EXOC4: variants seen among roughly 807,000 people sequenced by gnomAD.
EXOC4 encodes SEC8-like 1.
In EXOC4, 71 loss-of-function variants were observed where a neutral mutation model predicts 107.2. The ratio of observed to expected loss-of-function variants is 0.66; its 90% CI spans 0.55 to 0.81. The LOEUF (loss-of-function observed/expected upper bound fraction) is 0.81. Ranked by LOEUF, EXOC4 falls within the 30% of genes least tolerant of loss-of-function variation. EXOC4 has a pLI of 0.00. For synonymous variants in EXOC4, 456 were observed against 441.2 expected, an observed-to-expected ratio of 1.03 and a Z score of -0.42; for missense variants, 1,108 against 1,189.6, an observed-to-expected ratio of 0.93 and a Z score of 1.01.
chr7:133,887,581 C>A (rs935934544), intron 11 of EXOC4, among the ~76,000 whole-genome samples: 15 of 152,110 alleles, frequency 9.9e-5, no homozygotes, highest in African/African-American at 3.6e-4. Context: ...AAGGAGCAAT[C>A]CAATTATCCT....
chr7:133,918,355 A>C (rs527876713), intron 13 of EXOC4, among the ~76,000 whole-genome samples: 1 of 152,334 alleles, frequency 6.6e-6, no homozygotes, highest in East Asian at 1.9e-4. Context: ...TTCACTCAGC[A>C]AAGTTGTTTG....
At chr7:133,294,311 A>G (rs1584786085) in intron 3 of EXOC4, among the ~76,000 whole-genome samples, 1 of 152,164 alleles carries the variant, frequency 6.6e-6, no homozygotes, top group South Asian at 2.1e-4. Flanking sequence ...GCATCAAACT[A>G]AAATTGCACA....
rs116595330 is a variant in EXOC4, at chr7:133,557,354, A to G, written c.1418-72691A>G. 1.3e-3 allele frequency among the ~76,000 whole-genome samples: 202 copies of G among 151,708 alleles called. 1 individual carries two copies. Among genetic ancestry groups the G allele is most frequent in the African/African-American group, 4.8e-3 (199 of 41,182 alleles). On this transcript the variant is annotated intron_variant, in intron 9 of 17. Coordinates refer to ENST00000253861, the MANE Select transcript of EXOC4 (RefSeq NM_021807.4). ...ATATTTCAGTTTTATTTTGTTTTTA[A>G]TTGACATATAATTGACACATAATAA... is the stretch of plus-strand genomic sequence containing the variant.
intron 3 of EXOC4, among the ~76,000 whole-genome samples, chr7:133,299,666 A>C (rs2150560168): frequency 6.6e-6 from 1 of 152,320 alleles, no homozygotes; most frequent in South Asian, 2.1e-4. Flanking sequence ...ATCTGAAGAT[A>C]CTTTAAAGAA....
At chr7:133,468,426 T>A (rs1798786059) in intron 7 of EXOC4, among the ~76,000 whole-genome samples, 1 of 152,248 alleles carries the variant, frequency 6.6e-6, no homozygotes, top group Non-Finnish European at 1.5e-5. Flanking sequence ...TTTTTTCTGT[T>A]ATTAACATTC....
intron 10 of EXOC4, among the ~76,000 whole-genome samples, chr7:133,651,342 T>G (rs372907963): frequency 2.1e-5 from 3 of 142,466 alleles, no homozygotes; most frequent in East Asian, 4.3e-4. Flanking sequence ...CTTCAAAAAA[T>G]TAAAAACCAA....
intron 10 of EXOC4, among the ~76,000 whole-genome samples, chr7:133,652,521 C>T (rs534926861): frequency 6.6e-6 from 1 of 151,944 alleles, no homozygotes; most frequent in African/African-American, 2.4e-5. Context: ...TGGAGTTTCC[C>T]CCTTGCCCAG....
intron 17 of EXOC4, among the ~76,000 whole-genome samples, chr7:134,029,189 C>T (rs1795211787): frequency 6.6e-6 from 1 of 152,232 alleles, no homozygotes; most frequent in Non-Finnish European, 1.5e-5. Flanking sequence ...CATTATGCCT[C>T]CTCCTCACTG....
intron 2 of EXOC4, among the ~76,000 whole-genome samples, chr7:133,286,219 G>A (rs1457254521): frequency 6.6e-6 from 1 of 152,024 alleles, no homozygotes; most frequent in Non-Finnish European, 1.5e-5. Context: ...GTGTTTTCCT[G>A]TTTGGAGATT....
intron 10 of EXOC4, among the ~76,000 whole-genome samples, chr7:133,786,227 C>T (rs1182228405): frequency 2.6e-5 from 4 of 152,160 alleles, no homozygotes; most frequent in Non-Finnish European, 2.9e-5. Context: ...CAGCAGGAGT[C>T]GTCTGCAAAT....
intron 6 of EXOC4, among the ~76,000 whole-genome samples, chr7:133,372,034 T>C (rs1050764758): frequency 2.0e-5 from 3 of 152,238 alleles, no homozygotes; most frequent in Non-Finnish European, 4.4e-5. Flanking sequence ...TATATTTTCT[T>C]TGGAGCAATG....
intron 10 of EXOC4, among the ~76,000 whole-genome samples, chr7:133,725,751 G>A (rs1203772806): frequency 6.6e-6 from 1 of 152,156 alleles, no homozygotes; most frequent in Non-Finnish European, 1.5e-5. Context: ...AACTAGCATG[G>A]TTGTGTTTCA....
intron 7 of EXOC4, among the ~76,000 whole-genome samples, chr7:133,402,646 G>GT (rs1797116540): frequency 6.6e-6 from 1 of 152,090 alleles, no homozygotes; most frequent in Non-Finnish European, 1.5e-5. Flanking sequence ...TTATAGGCAT[G>GT]CGCTACCACA....
intron 15 of EXOC4, 57 bp from the exon 16 acceptor site, chr7:134,004,855 T>C: frequency 1.4e-6 from 2 of 1,453,900 alleles, no homozygotes; most frequent in Non-Finnish European, 1.9e-6. Flanking sequence ...CCCAAGATCA[T>C]TGCCCTCCCT....
At chr7:133,878,117 C>T (rs969507263) in intron 11 of EXOC4, among the ~76,000 whole-genome samples, 5 of 152,208 alleles carry the variant, frequency 3.3e-5, no homozygotes, top group Admixed American at 3.3e-4. Context: ...AGAGCATTTT[C>T]TTCATTATCA....
chr7:133,820,767 G>A (rs190221251), intron 11 of EXOC4, among the ~76,000 whole-genome samples: 6 of 152,330 alleles, frequency 3.9e-5, no homozygotes, highest in Admixed American at 3.3e-4. Flanking sequence ...CAGGGAGGGT[G>A]GGAGGACAGC....
intron 10 of EXOC4, among the ~76,000 whole-genome samples, chr7:133,813,141 A>G (rs111795938): frequency 0.01 from 1,587 of 152,264 alleles, 28 homozygotes; most frequent in African/African-American, 0.036. Context: ...TAAGGAAAAA[A>G]TGATTTGAAT....
chr7:133,426,802 A>C (rs756224946), intron 7 of EXOC4, among the ~76,000 whole-genome samples: 5 of 152,244 alleles, frequency 3.3e-5, no homozygotes, highest in Non-Finnish European at 7.3e-5. Context: ...TCAGTAGTTC[A>C]GTTGACTTCC....
At chr7:133,595,898 T>A (rs1279545038) in intron 9 of EXOC4, among the ~76,000 whole-genome samples, 1 of 152,204 alleles carries the variant, frequency 6.6e-6, no homozygotes, top group Admixed American at 6.5e-5. Context: ...ACCTTGCCTC[T>A]GTCTTCTCTG....
Sources: allele counts gnomAD v4.1 joint callset (sites outside exome capture counted in the v4.1 genomes callset), GRCh38; gene constraint gnomAD v4.1.1; transcripts MANE v1.5; gene names NCBI Gene and HGNC (gene_info 2026-07-23, HGNC 2026-07-21).